The following PVR variants were observed in gnomAD, a reference collection of about 807,000 sequenced individuals.
PVR encodes PVR cell adhesion molecule.
A neutral mutation model predicts 43.3 loss-of-function variants in PVR; 39 were observed. The observed-to-expected ratio is 0.90, with a 90% CI of 0.70 to 1.18. The LOEUF is 1.18. PVR is among the 50% of genes most tolerant of loss of function. The pLI is 0.00. For missense variants in PVR, 480 were observed against 549.7 expected, an observed-to-expected ratio of 0.87 and a Z score of 1.27; for synonymous variants, 224 against 233.2, an observed-to-expected ratio of 0.96 and a Z score of 0.36.
intron 3 of PVR, 48 bp from the exon 4 acceptor site, chr19:44,653,851 GC>G: frequency 7.6e-7 from 1 of 1,308,052 alleles, no homozygotes. Context: ...GTAGCCCCAG[GC>G]CCCCCAAAGC....
Position 44,644,063 on chromosome 19 carries a change from C to T in PVR, c.-34C>T, listed in dbSNP as rs1401100351. 2.0e-6 allele frequency: 3 copies of T among 1,496,134 alleles called. No individual in the cohort carries two copies. Among genetic ancestry groups the T allele is most frequent in the South Asian group, 2.5e-5 (2 of 80,662 alleles). The allele number at this position is 1,496,134 out of a possible 1,614,324, so 92.7% of individuals were successfully genotyped here. Reference sequence around the variant, plus strand: ...GCGGGCGCCGGGAAGCGAGGAGACGCCCGCGGGAGGCCCAGCTGCTCGGAG... The same window carrying T: ...GCGGGCGCCGGGAAGCGAGGAGACGTCCGCGGGAGGCCCAGCTGCTCGGAG... On this transcript the variant is annotated 5_prime_UTR_variant, in exon 1 of 8. Transcript: ENST00000425690.
In PVR at chr19:44,649,879, C is replaced by G. The variant is rs745519679; in HGVS notation, c.498C>G (p.Cys166Trp). Reference sequence around the variant, plus strand: ...GAGAGCCAGTGCCCATGGCCCGCTGCGTCTCCACAGGGGGTCGCCCGCCAG... The same window carrying G: ...GAGAGCCAGTGCCCATGGCCCGCTGGGTCTCCACAGGGGGTCGCCCGCCAG... ...LTGEPVPMAR[C>W]VSTGGRPPAQ... The change falls in exon 3 of 8, where the codon TGC becomes TGG. Residue 166 changes from cysteine (C) to tryptophan (W), a missense_variant. Transcript: ENST00000425690. 1.9e-6 allele frequency: 3 copies of G among 1,614,012 alleles called. No individual in the cohort carries two copies. The East Asian group carries it at 6.7e-5, about 36-fold the overall frequency.
chr19:44,656,272 C>T (rs1304882208), intron 4 of PVR, among the ~76,000 whole-genome samples: 1 of 152,178 alleles, frequency 6.6e-6, no homozygotes, highest in Non-Finnish European at 1.5e-5. Flanking sequence ...TTCAACTCTG[C>T]AAATGCCATG....
At position 44,647,304 on chromosome 19, in the gene PVR, C is replaced by T; in HGVS notation, c.161C>T (p.Pro54Leu). 6.2e-7 allele frequency: 1 copy of T among 1,602,476 alleles called. No individual in the cohort carries two copies. Among genetic ancestry groups the T allele is most frequent in the Admixed American group, 1.7e-5 (1 of 58,146 alleles). ...SVTLPCYLQV[P>L]NMEVTHVSQL... ...ACGCTGCCCTGCTACCTACAGGTGC[C>T]CAACATGGAGGTGACGCATGTGTCA... The change falls in exon 2 of 8, where the codon CCC (proline) becomes CTC (leucine). Residue 54 changes from proline to leucine, a missense_variant. Transcript: ENST00000425690.
chr19:44,647,386 GC>G lies in PVR; in HGVS notation c.244del (p.Gln82ArgfsTer27). ...SGSMAVFHQT[Q>X]GPSYSESKRL... is the part of the protein sequence containing the mutation. ...GCAGCATGGCCGTCTTCCACCAAAC[GC>G]AGGGCCCCAGCTATTCGGAGTCCAA... On this transcript the variant is annotated frameshift_variant, in exon 2 of 8. Coordinates refer to ENST00000425690, the MANE Select transcript of PVR (RefSeq NM_006505.5). LOFTEE classifies it high-confidence loss of function. The G allele has an allele frequency of 6.2e-7, 1 of 1,613,916 alleles. No homozygotes were observed. Among genetic ancestry groups the G allele is most frequent in the Non-Finnish European group, 8.5e-7 (1 of 1,179,962 alleles).
chr19:44,651,981 C>T (rs1362831131), intron 3 of PVR, among the ~76,000 whole-genome samples: 1 of 151,146 alleles, frequency 6.6e-6, no homozygotes, highest in African/African-American at 2.4e-5. Context: ...TGTGGTGAAA[C>T]TCTGTCTTCA....
chr19:44,649,992 G>C lies in PVR; in HGVS notation c.611G>C (p.Ser204Thr). Reference protein sequence around the residue: ...GFLSGTVTVTSLWILVPSSQV... With the variant: ...GFLSGTVTVTTLWILVPSSQV... ...CTGTCTGGCACAGTCACTGTCACCA[G>C]CCTCTGGATATTGGTGCCCTCAAGC... The change falls in exon 3 of 8, where the codon AGC (serine) becomes ACC (threonine). Residue 204 changes from serine (S) to threonine (T), a missense_variant. Ser to Thr is a moderately conservative substitution (Grantham distance 58). Transcript: ENST00000425690. The C allele has an allele frequency of 6.2e-7, 1 of 1,607,192 alleles. No individual in the cohort carries two copies. The highest frequency in any genetic ancestry group is 2.2e-5 in the East Asian group (1 of 44,738).
chr19:44,647,198 AC>A (rs1241593862), intron 1 of PVR, 24 bp from the exon 2 acceptor site: 1 of 1,503,406 alleles, frequency 6.7e-7, no homozygotes, highest in Non-Finnish European at 8.9e-7. Flanking sequence ...CCCGGGTCTG[AC>A]ACCTTCTCTT....
At chr19:44,661,419 G>C in intron 7 of PVR, 96 bp downstream of exon 7, 1 of 1,342,900 alleles carries the variant, frequency 7.4e-7, no homozygotes, top group Non-Finnish European at 1.1e-6. Flanking sequence ...AGGAGCCTGG[G>C]TCTTTTCTCC....
intron 1 of PVR, among the ~76,000 whole-genome samples, chr19:44,647,006 C>A (rs1211293103): frequency 6.6e-6 from 1 of 152,228 alleles, no homozygotes; most frequent in Non-Finnish European, 1.5e-5. Context: ...TGAAGGAGCA[C>A]GGCCAAGTTG....
chr19:44,649,768 G>A, intron 2 of PVR, 41 bp from the exon 3 acceptor site: 1 of 1,600,924 alleles, frequency 6.2e-7, no homozygotes, highest in Non-Finnish European at 8.5e-7. Context: ...TGCCACGGAG[G>A]GGTTCATTGA....
intron 1 of PVR, among the ~76,000 whole-genome samples, chr19:44,645,442 TA>T (rs1210718695): frequency 4.4e-5 from 5 of 114,434 alleles, no homozygotes; most frequent in African/African-American, 7.5e-5. Flanking sequence ...TATATATATA[TA>T]TAGTGCGTGT....
intron 2 of PVR, among the ~76,000 whole-genome samples, chr19:44,648,909 G>A (rs1244105598): frequency 6.6e-6 from 1 of 152,122 alleles, no homozygotes; most frequent in African/African-American, 2.4e-5. Context: ...GTAATGATGG[G>A]GAAGGAAGTT....
chr19:44,649,364 C>T (rs894032684), intron 2 of PVR, among the ~76,000 whole-genome samples: 5 of 151,900 alleles, frequency 3.3e-5, no homozygotes, highest in Non-Finnish European at 5.9e-5. Flanking sequence ...GAGGCACAGA[C>T]TTGCCCAAGA....
intron 1 of PVR, among the ~76,000 whole-genome samples, chr19:44,646,685 C>G (rs1973122789): frequency 6.6e-6 from 1 of 152,090 alleles, no homozygotes; most frequent in African/African-American, 2.4e-5. Context: ...GGCAGGAGAA[C>G]CGCTTGAACC....
intron 1 of PVR, among the ~76,000 whole-genome samples, chr19:44,645,033 TATA>T (rs1233925216): frequency 9.3e-6 from 1 of 107,210 alleles, no homozygotes; most frequent in Non-Finnish European, 1.8e-5. Context: ...TATAGTAATA[TATA>T]ATATATAATA....
At position 44,654,033 on chromosome 19, in the gene PVR, CAG is replaced by C; in HGVS notation, c.842+17_842+18del. ...ATTGGAGCACGTGAGTCCTGGGTCT[CAG>C]GGAGGAGGGGCTGGGGGTCTGGATT... On this transcript the variant is annotated intron_variant, in intron 4 of 7. Transcript: ENST00000425690. 1.3e-6 allele frequency: 2 copies of C among 1,582,936 alleles called. No homozygotes were observed. The highest frequency in any genetic ancestry group is 1.7e-4 in the Middle Eastern group (1 of 5,996).
Position 44,658,812 on chromosome 19 carries a change from T to G in PVR, c.1062T>G (p.Val354=), listed in dbSNP as rs1328940435. 1 of 1,613,880 alleles carries G rather than the reference T, an allele frequency of 6.2e-7. No homozygotes were observed. The highest frequency in any genetic ancestry group is 1.7e-5 in the Admixed American group (1 of 59,994). The part of the protein sequence containing the change: ...AIIFLVLGIL[V]FLILLGIGIY... ...TCTTCCTGGTTCTGGGAATCCTGGT[T>G]TTTCTGATCCTGCTGGGGATCGGGA... The change falls in exon 6 of 8, where the codon GTT becomes GTG. Residue 354 remains valine (V), a synonymous_variant. Transcript: ENST00000425690.
intron 1 of PVR, among the ~76,000 whole-genome samples, chr19:44,646,189 T>A (rs1226878126): frequency 6.6e-6 from 1 of 152,100 alleles, no homozygotes; most frequent in African/African-American, 2.4e-5. Context: ...TTTTACAAAC[T>A]AGGAAAAAGA....
Sources: gnomAD v4.1 joint callset for allele counts (sites outside exome capture counted in the v4.1 genomes callset) on GRCh38, gnomAD v4.1.1 for gene constraint, MANE v1.5 for transcripts, NCBI Gene and HGNC (gene_info 2026-07-23, HGNC 2026-07-21) for gene names.